The following LIN9 variants were observed in gnomAD, a reference collection of about 807,000 sequenced individuals.
The protein encoded by LIN9 is lin-9 DREAM MuvB core complex component, also known as protein lin-9 homolog.
LIN9 carries 18 observed loss-of-function variants against 78.0 expected under a neutral mutation model. The observed-to-expected ratio is 0.23, with a 90% confidence interval of 0.16 to 0.34. The LOEUF (loss-of-function observed/expected upper bound fraction) is 0.34. LIN9 is among the 10% of genes least tolerant of loss of function. The pLI is 1.00. For synonymous variants in LIN9, 192 were observed against 215.2 expected, an observed-to-expected ratio of 0.89 and a Z score of 0.94; for missense variants, 451 against 644.1, an observed-to-expected ratio of 0.70 and a Z score of 3.25.
At chr1:226,282,082 A>T (rs1261193988) in intron 6 of LIN9, among the ~76,000 whole-genome samples, 1 of 152,216 alleles carries the variant, frequency 6.6e-6, no homozygotes, top group Non-Finnish European at 1.5e-5. Context: ...AAATAGCTAC[A>T]GTATGCACTG....
At chr1:226,245,874 A>G (rs776215836) in intron 11 of LIN9, among the ~76,000 whole-genome samples, 2 of 152,214 alleles carry the variant, frequency 1.3e-5, no homozygotes, top group Non-Finnish European at 2.9e-5. Context: ...GCCCCAATTA[A>G]ACATTTTTAT....
intron 12 of LIN9, among the ~76,000 whole-genome samples, chr1:226,238,619 C>A (rs1225934424): frequency 6.6e-6 from 1 of 151,366 alleles, no homozygotes; most frequent in Non-Finnish European, 1.5e-5. Flanking sequence ...CAGAGCTAGA[C>A]CCTGTCTCAA....
At chr1:226,293,951 T>C (rs1342112569) in intron 4 of LIN9, among the ~76,000 whole-genome samples, 1 of 152,244 alleles carries the variant, frequency 6.6e-6, no homozygotes, top group African/African-American at 2.4e-5. Context: ...AAAATTATCA[T>C]AAGGCATTTA....
chr1:226,247,614 C>T (rs1385636963), intron 11 of LIN9, among the ~76,000 whole-genome samples: 1 of 151,788 alleles, frequency 6.6e-6, no homozygotes, highest in African/African-American at 2.4e-5. Flanking sequence ...TTCCCCCTTA[C>T]TTCTTTCCTT....
chr1:226,290,824 G>A (rs1410737859), intron 4 of LIN9, among the ~76,000 whole-genome samples: 1 of 150,928 alleles, frequency 6.6e-6, no homozygotes, highest in Non-Finnish European at 1.5e-5. Context: ...TGACACGATC[G>A]CGGCTCACTG....
At chr1:226,301,956 C>A (rs967025034) in intron 1 of LIN9, among the ~76,000 whole-genome samples, 1 of 152,172 alleles carries the variant, frequency 6.6e-6, no homozygotes, top group African/African-American at 2.4e-5. Context: ...AAAGTGTCAG[C>A]TACTCAGGGG....
intron 11 of LIN9, among the ~76,000 whole-genome samples, chr1:226,239,638 G>A (rs1380843448): frequency 6.6e-6 from 1 of 152,152 alleles, no homozygotes; most frequent in African/African-American, 2.4e-5. Flanking sequence ...ACTGCAAAAT[G>A]GGGATTATAA....
chr1:226,245,561 T>C (rs1047806348), intron 11 of LIN9, among the ~76,000 whole-genome samples: 1 of 152,044 alleles, frequency 6.6e-6, no homozygotes, highest in African/African-American at 2.4e-5. Flanking sequence ...GAGCTGGAAC[T>C]ATACCATGCC....
chr1:226,234,377 T>C (rs1025168420), intron 12 of LIN9, among the ~76,000 whole-genome samples: 4 of 152,164 alleles, frequency 2.6e-5, no homozygotes, highest in African/African-American at 9.7e-5. Context: ...TAGTTTCCCT[T>C]AAAAAATGAA....
chr1:226,233,556 G>A (rs377552611), intron 12 of LIN9, 33 bp from the exon 13 acceptor site: 84 of 1,521,934 alleles, frequency 5.5e-5, no homozygotes, highest in Non-Finnish European at 1.1e-5. Flanking sequence ...TGAGACGCAT[G>A]TTCGAGAAGC....
chr1:226,298,890 C>T (rs566750659), intron 2 of LIN9, among the ~76,000 whole-genome samples: 1 of 151,936 alleles, frequency 6.6e-6, no homozygotes, highest in South Asian at 2.1e-4. Context: ...AGTCTCTGTC[C>T]CCTCACAAAA....
At chr1:226,240,368 A>G (rs899258217) in intron 11 of LIN9, among the ~76,000 whole-genome samples, 14 of 144,862 alleles carry the variant, frequency 9.7e-5, no homozygotes, top group Non-Finnish European at 1.9e-4. Flanking sequence ...ATGTGCCACC[A>G]CACCCAGCTT....
chr1:226,288,698 A>T (rs1162884707), intron 4 of LIN9, among the ~76,000 whole-genome samples: 2 of 151,880 alleles, frequency 1.3e-5, no homozygotes, highest in Non-Finnish European at 2.9e-5. Flanking sequence ...AAAAAATTAA[A>T]TATGTAGGAA....
intron 1 of LIN9, among the ~76,000 whole-genome samples, chr1:226,302,704 A>G (rs566157789): frequency 7.2e-5 from 11 of 152,370 alleles, no homozygotes; most frequent in South Asian, 4.1e-4. Flanking sequence ...AATAAAAAAG[A>G]ACATGAACTA....
intron 1 of LIN9, among the ~76,000 whole-genome samples, chr1:226,307,528 C>T (rs1662989642): frequency 6.6e-6 from 1 of 152,204 alleles, no homozygotes; most frequent in South Asian, 2.1e-4. Context: ...CCCAGCTATT[C>T]GGGAGGCTGA....
chr1:226,254,988 CA>C (rs1398580228), intron 10 of LIN9, among the ~76,000 whole-genome samples: 1 of 149,958 alleles, frequency 6.7e-6, no homozygotes, highest in Non-Finnish European at 1.5e-5. Flanking sequence ...AAACTGTTCA[CA>C]AAATTGGAAA....
At chr1:226,287,607 T>C in intron 5 of LIN9, 57 bp downstream of exon 5, 1 of 1,305,792 alleles carries the variant, frequency 7.7e-7, no homozygotes, top group Admixed American at 2.7e-5. Context: ...TTAAAACACT[T>C]GAAAAACTTA....
At chr1:226,260,867 G>A (rs1051840606) in intron 10 of LIN9, among the ~76,000 whole-genome samples, 2 of 151,512 alleles carry the variant, frequency 1.3e-5, no homozygotes, top group African/African-American at 4.8e-5. Context: ...GGATGGTCTC[G>A]ATCTCCTGAC....
At chr1:226,304,375 A>T (rs1220534616) in intron 1 of LIN9, among the ~76,000 whole-genome samples, 1 of 152,154 alleles carries the variant, frequency 6.6e-6, no homozygotes, top group Non-Finnish European at 1.5e-5. Flanking sequence ...GGAAAAAAAA[A>T]TTTTATTGAA....
Sources: allele counts gnomAD v4.1 joint callset (sites outside exome capture counted in the v4.1 genomes callset), GRCh38; gene constraint gnomAD v4.1.1; transcripts MANE v1.5; gene names NCBI Gene and HGNC (gene_info 2026-07-23, HGNC 2026-07-21).